Variants in SLC5A11 observed in about 807,000 individuals in gnomAD.
SLC5A11 encodes the protein solute carrier family 5 member 11, also known as sodium/myo-inositol cotransporter 2.
A neutral mutation model predicts 69.8 loss-of-function variants in SLC5A11; 48 were observed. The observed-to-expected ratio is 0.69, with a 90% CI of 0.55 to 0.87. The LOEUF is 0.87. SLC5A11 is among the 40% of genes least tolerant of loss of function. SLC5A11 has a pLI of 0.00. For synonymous variants in SLC5A11, 319 were observed against 342.4 expected (o/e 0.93, Z 0.75); for missense variants, 784 against 866.1 (o/e 0.91, Z 1.19).
intron 10 of SLC5A11, 86 bp downstream of exon 11, chr16:24,898,195 A>G: frequency 4.0e-6 from 6 of 1,496,522 alleles, no homozygotes; most frequent in Non-Finnish European, 4.5e-6. Flanking sequence ...AGAAGCCTCA[A>G]GAGAATGTGA....
intron 6 of SLC5A11, 149 bp from the exon 8 acceptor site, chr16:24,877,109 A>G: frequency 1.3e-6 from 2 of 1,498,492 alleles, no homozygotes; most frequent in South Asian, 2.7e-5. Context: ...CTGATCTGGG[A>G]TGCAGTGGAT....
intron 8 of SLC5A11, among the ~76,000 whole-genome samples, chr16:24,889,965 A>G (rs1306108641): frequency 6.6e-6 from 1 of 152,110 alleles, no homozygotes; most frequent in East Asian, 1.9e-4. Flanking sequence ...ATTTAGAAGT[A>G]TTCTTCTGAG....
intron 8 of SLC5A11, among the ~76,000 whole-genome samples, chr16:24,886,036 C>CTT (rs35828435): frequency 3.6e-5 from 5 of 139,034 alleles, no homozygotes; most frequent in Non-Finnish European, 4.7e-5. Flanking sequence ...AATAGGAGTT[C>CTT]TTTTTTTTTT....
Position 24,849,587 on chromosome 16 carries a change from AAAAAAAATATATATATAT to A in SLC5A11, c.-25+3151_-25+3168del, listed in dbSNP as rs1319186958. On this transcript the variant is annotated intron_variant, in intron 1 of 15. Coordinates refer to ENST00000347898, the Ensembl canonical transcript of SLC5A11. ...GCCTTGGGGGCAAAAAAAAAAAAAA[AAAAAAAATATATATATAT>A]ATATATATATATATATATCCATGAG... is the stretch of plus-strand genomic sequence containing the variant. Among the ~76,000 whole-genome samples, 3 of 81,876 alleles carry A rather than the reference AAAAAAAATATATATATAT, an allele frequency of 3.7e-5. 1 individual carries two copies. Among genetic ancestry groups the A allele is most frequent in the African/African-American group, 8.7e-5 (2 of 22,868 alleles). The allele number at this position is 81,876 out of a possible 152,430, so 53.7% of individuals were successfully genotyped here. A position where few individuals can be genotyped will look rare whatever the true frequency, so the allele number is the denominator to read the frequency against.
At chr16:24,848,728 T>C (rs963456973) in intron 1 of SLC5A11, among the ~76,000 whole-genome samples, 28 of 152,164 alleles carry the variant, frequency 1.8e-4, no homozygotes, top group Non-Finnish European at 7.3e-5. Flanking sequence ...CACAGTGAGC[T>C]CTGATGGCAC....
intron 9 of SLC5A11, among the ~76,000 whole-genome samples, chr16:24,897,714 A>G (rs1237039797): frequency 1.3e-5 from 2 of 152,204 alleles, no homozygotes; most frequent in Non-Finnish European, 2.9e-5. Context: ...CACGTCTTAC[A>G]TGGATGGCAG....
At chr16:24,885,537 A>G (rs969484764) in intron 8 of SLC5A11, among the ~76,000 whole-genome samples, 1 of 151,848 alleles carries the variant, frequency 6.6e-6, no homozygotes, top group East Asian at 1.9e-4. Context: ...AGTCCCAGCT[A>G]CCTGACAGGC....
intron 7 of SLC5A11, among the ~76,000 whole-genome samples, chr16:24,878,187 C>T (rs1340467347): frequency 1.3e-5 from 2 of 152,202 alleles, no homozygotes; most frequent in Non-Finnish European, 2.9e-5. Context: ...TTTTAAAATG[C>T]ACCACAATGG....
intron 10 of SLC5A11, among the ~76,000 whole-genome samples, chr16:24,906,164 A>G (rs991040990): frequency 3.3e-5 from 5 of 152,010 alleles, no homozygotes; most frequent in Non-Finnish European, 7.4e-5. Flanking sequence ...AACATGGCAA[A>G]ACCCCATCTC....
At chr16:24,879,869 G>A (rs2047927269) in intron 7 of SLC5A11, among the ~76,000 whole-genome samples, 1 of 152,202 alleles carries the variant, frequency 6.6e-6, no homozygotes, top group Non-Finnish European at 1.5e-5. Context: ...TTTAATGGCT[G>A]TGTAGTATTT....
intron 1 of SLC5A11, among the ~76,000 whole-genome samples, chr16:24,857,578 C>T (rs1018072614): frequency 6.6e-6 from 1 of 152,166 alleles, no homozygotes; most frequent in Non-Finnish European, 1.5e-5. Flanking sequence ...AAGCCACCTG[C>T]ACTCCTTGGC....
chr16:24,850,857 C>T (rs996085267), intron 1 of SLC5A11, among the ~76,000 whole-genome samples: 17 of 151,882 alleles, frequency 1.1e-4, no homozygotes, highest in African/African-American at 3.9e-4. Context: ...GTCACCCAGG[C>T]TAGAGTGCAG....
chr16:24,908,554 C>T (rs574090264), intron 13 of SLC5A11, among the ~76,000 whole-genome samples: 3 of 144,538 alleles, frequency 2.1e-5, no homozygotes, highest in Non-Finnish European at 3.0e-5. Flanking sequence ...GCTGAGACCA[C>T]GCCACTGCAC....
intron 7 of SLC5A11, among the ~76,000 whole-genome samples, chr16:24,882,407 T>C (rs1475417315): frequency 6.6e-6 from 1 of 152,138 alleles, no homozygotes; most frequent in Admixed American, 6.6e-5. Flanking sequence ...TCCTCCCCTT[T>C]GTGAGAGCCC....
intron 9 of SLC5A11, among the ~76,000 whole-genome samples, chr16:24,892,444 TAAA>T (rs59511866): frequency 1.1e-4 from 16 of 140,948 alleles, no homozygotes; most frequent in Middle Eastern, 3.6e-3. Context: ...CCTTTTGTGT[TAAA>T]AAAAAAAAAA....
chr16:24,907,339 G>A (rs1555535301), intron 12 of SLC5A11, among the ~76,000 whole-genome samples, 164 bp downstream of exon 13: 1 of 152,180 alleles, frequency 6.6e-6, no homozygotes, highest in Non-Finnish European at 1.5e-5. Context: ...CACCTACTGT[G>A]TACCAGGCAC....
intron 1 of SLC5A11, among the ~76,000 whole-genome samples, chr16:24,849,500 G>A (rs1490210149): frequency 1.4e-5 from 2 of 147,004 alleles, no homozygotes; most frequent in Non-Finnish European, 3.0e-5. Context: ...CCGGGAGGCA[G>A]AGGTTGCAGT....
At chr16:24,846,778 A>G (rs1474121077) in intron 1 of SLC5A11, 1 of 152,246 alleles carries the variant, frequency 6.6e-6, no homozygotes, top group African/African-American at 2.4e-5. Flanking sequence ...GACCCACCCC[A>G]CAGGTGTGTT....
chr16:24,911,052 C>T (rs1358968376), intron 15 of SLC5A11, among the ~76,000 whole-genome samples: 1 of 151,514 alleles, frequency 6.6e-6, no homozygotes, highest in Non-Finnish European at 1.5e-5. Context: ...GCCTATAGTC[C>T]CAGCTACTTG....
Sources: allele counts gnomAD v4.1 joint callset (sites outside exome capture counted in the v4.1 genomes callset), GRCh38; gene constraint gnomAD v4.1.1; transcripts MANE v1.5; gene names NCBI Gene and HGNC (gene_info 2026-07-23, HGNC 2026-07-21).